The following SEC23IP variants were observed in gnomAD, a reference collection of about 807,000 sequenced individuals.
The protein encoded by SEC23IP is SEC23-interacting protein.
In SEC23IP, 70 loss-of-function variants were observed where a neutral mutation model predicts 113.4. The observed-to-expected ratio is 0.62, with a 90% CI of 0.51 to 0.75. The LOEUF is 0.75. Ranked by LOEUF, SEC23IP falls within the 30% of genes least tolerant of loss-of-function variation. SEC23IP has a pLI of 0.00. For missense variants in SEC23IP, 1,160 were observed against 1,204.9 expected (o/e 0.96, Z 0.55); for synonymous variants, 398 against 421.0 (o/e 0.95, Z 0.67).
intron 1 of SEC23IP, among the ~76,000 whole-genome samples, chr10:119,896,044 TG>T (rs1854273660): frequency 6.6e-6 from 1 of 152,226 alleles, no homozygotes; most frequent in Non-Finnish European, 1.5e-5. Context: ...TAAGGTTGAC[TG>T]TAGCAAGAGG....
At chr10:119,915,227 A>G (rs922394805) in intron 7 of SEC23IP, among the ~76,000 whole-genome samples, 1 of 152,206 alleles carries the variant, frequency 6.6e-6, no homozygotes, top group Non-Finnish European at 1.5e-5. Context: ...GTTCGTATTT[A>G]TTGAATATTT....
chr10:119,933,192 A>G (rs923987401), intron 17 of SEC23IP, 25 bp downstream of exon 17: 2 of 1,607,556 alleles, frequency 1.2e-6, no homozygotes, highest in African/African-American at 2.7e-5. Context: ...ATTTGGTAAC[A>G]TTTGAGTGGG....
At chr10:119,937,122 G>A (rs1256090093) in intron 18 of SEC23IP, among the ~76,000 whole-genome samples, 3 of 151,528 alleles carry the variant, frequency 2.0e-5, no homozygotes, top group South Asian at 2.1e-4. Flanking sequence ...TGATCCGCCC[G>A]CCTTGGCCTC....
rs1589858695 is a variant in SEC23IP at position 119,944,090 on chromosome 10, C to T, written c.*3525C>T. 1 of 152,220 alleles carries T rather than the reference C, an allele frequency of 6.6e-6. No homozygotes were observed. The highest frequency in any genetic ancestry group is 2.4e-5 in the African/African-American group (1 of 41,440). 9.4% of individuals were successfully genotyped at this position (152,220 alleles called of 1,614,324 possible). On this transcript the variant is annotated 3_prime_UTR_variant, in exon 19 of 19. Coordinates refer to ENST00000369075, the MANE Select transcript of SEC23IP (RefSeq NM_007190.4). ...ATAATGATTTGGCTCTGTGTCCCCA[C>T]CCAAATCTCATCTTGAATTGTAATC...
chr10:119,933,340 T>G (rs1855669639), intron 17 of SEC23IP, among the ~76,000 whole-genome samples, 173 bp downstream of exon 17: 1 of 152,220 alleles, frequency 6.6e-6, no homozygotes, highest in African/African-American at 2.4e-5. Flanking sequence ...AAGATGGCAG[T>G]ATGTCATCTG....
intron 18 of SEC23IP, among the ~76,000 whole-genome samples, chr10:119,934,130 A>G (rs1312238966): frequency 6.6e-6 from 1 of 152,202 alleles, no homozygotes; most frequent in Admixed American, 6.5e-5. Flanking sequence ...TTCTTCCGTA[A>G]CAAGAAGGGT....
At chr10:119,899,957 A>G (rs1854420397) in intron 2 of SEC23IP, among the ~76,000 whole-genome samples, 1 of 152,038 alleles carries the variant, frequency 6.6e-6, no homozygotes, top group Non-Finnish European at 1.5e-5. Context: ...ACACCCTGGC[A>G]TATGTGAGCC....
chr10:119,903,134 CT>C (rs1854552994), intron 3 of SEC23IP, 125 bp downstream of exon 3: 2 of 750,144 alleles, frequency 2.7e-6, no homozygotes, highest in Non-Finnish European at 4.3e-6. Flanking sequence ...GACTCTGTAC[CT>C]TAAGGTGACG....
intron 10 of SEC23IP, 87 bp downstream of exon 10, chr10:119,918,598 T>G (rs1855131873): frequency 6.8e-6 from 5 of 734,510 alleles, no homozygotes; most frequent in Non-Finnish European, 1.2e-5. Flanking sequence ...TTCTTGAAAC[T>G]TTTGTTTGTT....
In SEC23IP at chr10:119,898,674, T is replaced by G. The variant is rs781011662; in HGVS notation, c.411T>G (p.Ile137Met). Residue 137 changes from isoleucine to methionine, a missense_variant, in exon 2 of 19, where the codon ATT becomes ATG. By Grantham distance (10) the Ile-to-Met change is conservative. Transcript: ENST00000369075. Reference sequence around the variant, plus strand: ...TCTCGAATGCATTTTCACCATCCATTTCGAAGGCTCAACCTGGTGCTCCAC... The same window carrying G: ...TCTCGAATGCATTTTCACCATCCATGTCGAAGGCTCAACCTGGTGCTCCAC... ...QDVSNAFSPS[I>M]SKAQPGAPPS... 2 of 1,614,056 alleles carry G rather than the reference T, an allele frequency of 1.2e-6. No homozygotes were observed. Among genetic ancestry groups the G allele is most frequent in the African/African-American group, 2.7e-5 (2 of 74,930 alleles).
chr10:119,940,976 C>G lies in SEC23IP; in HGVS notation c.*411C>G, dbSNP rs1412987412. 1 of 152,096 alleles carries G rather than the reference C, an allele frequency of 6.6e-6. No individual in the cohort carries two copies. Among genetic ancestry groups the G allele is most frequent in the African/African-American group, 2.4e-5 (1 of 41,406 alleles). 9.4% of individuals were successfully genotyped at this position (152,096 alleles called of 1,614,324 possible). A position where few individuals can be genotyped will look rare whatever the true frequency, so the allele number is the denominator to read the frequency against. ...ACTTGGATTTTTCTTTTTATTAATGCAGTATGTTCTTTTTATTCAAGTATG... is the reference window on the plus strand; with the variant it reads ...ACTTGGATTTTTCTTTTTATTAATGGAGTATGTTCTTTTTATTCAAGTATG... On this transcript the variant is annotated 3_prime_UTR_variant, in exon 19 of 19. Transcript: ENST00000369075.
At chr10:119,898,289 C>A in intron 1 of SEC23IP, 138 bp from the exon 2 acceptor site, 1 of 1,329,006 alleles carries the variant, frequency 7.5e-7, no homozygotes, top group Non-Finnish European at 9.7e-7. Flanking sequence ...AAAGAAAAAA[C>A]TGTTTTTTTC....
At chr10:119,894,920 G>A (rs1317706339) in intron 1 of SEC23IP, among the ~76,000 whole-genome samples, 1 of 151,860 alleles carries the variant, frequency 6.6e-6, no homozygotes, top group Non-Finnish European at 1.5e-5. Context: ...GTGTGTGTGT[G>A]TGTGTGTGTG....
intron 6 of SEC23IP, among the ~76,000 whole-genome samples, chr10:119,913,375 A>T (rs528954763): frequency 6.6e-6 from 1 of 152,216 alleles, no homozygotes; most frequent in Admixed American, 6.5e-5. Context: ...AAAGGGCCAG[A>T]TAGCAGATAG....
Position 119,917,990 on chromosome 10 carries a change from ATG to A in SEC23IP, c.1700_1701del (p.Met567LysfsTer24). ...MEINHLHALF[M>X]SRNPDFKGGV... is the part of the protein sequence containing the mutation. The stretch of plus-strand genomic sequence containing the variant: ...GATAAACCATCTGCATGCACTCTTT[ATG>A]AGTCGGAACCCAGACTTCAAAGGAG... On this transcript the variant is annotated frameshift_variant, in exon 9 of 19. Coordinates refer to ENST00000369075, the MANE Select transcript of SEC23IP (RefSeq NM_007190.4). LOFTEE classifies it high-confidence loss of function. 1 of 1,614,148 alleles carries A rather than the reference ATG, an allele frequency of 6.2e-7. No individual in the cohort carries two copies. The highest frequency in any genetic ancestry group is 1.3e-5 in the African/African-American group (1 of 75,066).
intron 1 of SEC23IP, among the ~76,000 whole-genome samples, chr10:119,896,131 G>A (rs1854277434): frequency 6.6e-6 from 1 of 152,200 alleles, no homozygotes; most frequent in Admixed American, 6.5e-5. Context: ...TTGGGTGTGA[G>A]GAGCAGGGAG....
rs200072333 is a variant in SEC23IP, at chr10:119,904,053, A to G, written c.908-31A>G. 8.4e-5 allele frequency: 135 copies of G among 1,606,410 alleles called. No individual in the cohort carries two copies. In the African/African-American group the frequency reaches 1.7e-3, roughly 21 times the overall value. On this transcript the variant is annotated intron_variant, in intron 3 of 18. Transcript: ENST00000369075. The stretch of plus-strand genomic sequence containing the variant: ...ATTATTTTACAATATGCCTTGCAGC[A>G]GTTAGGAAAAGTGTTAATTTTGTTC...
intron 18 of SEC23IP, among the ~76,000 whole-genome samples, chr10:119,935,845 G>A (rs1855762016): frequency 6.6e-6 from 1 of 152,186 alleles, no homozygotes; most frequent in Admixed American, 6.5e-5. Context: ...AAAGTAAAGT[G>A]TCATTTGAGC....
intron 5 of SEC23IP, among the ~76,000 whole-genome samples, chr10:119,909,444 G>C (rs188919249): frequency 6.6e-6 from 1 of 152,172 alleles, no homozygotes; most frequent in South Asian, 2.1e-4. Flanking sequence ...AAATTAGCTG[G>C]GTGTAGTGGC....
Sources: gnomAD v4.1 joint callset for allele counts (sites outside exome capture counted in the v4.1 genomes callset) on GRCh38, gnomAD v4.1.1 for gene constraint, MANE v1.5 for transcripts, NCBI Gene and HGNC (gene_info 2026-07-23, HGNC 2026-07-21) for gene names.